Variants in ERCC6L2 observed in about 807,000 individuals in gnomAD.
The protein encoded by ERCC6L2 is DNA excision repair protein ERCC-6-like 2.
Under a neutral mutation model 132.0 loss-of-function variants are expected in ERCC6L2, and 77 were observed. The observed-to-expected ratio is 0.58, with a 90% CI of 0.49 to 0.71. ERCC6L2 has a LOEUF of 0.71. Ranked by LOEUF, ERCC6L2 falls within the 30% of genes least tolerant of loss-of-function variation. The pLI, the probability that ERCC6L2 is intolerant of heterozygous loss-of-function variation, is 0.00. For synonymous variants in ERCC6L2, 583 were observed against 632.4 expected, an observed-to-expected ratio of 0.92 and a Z score of 1.17; for missense variants, 1,542 against 1,837.6, an observed-to-expected ratio of 0.84 and a Z score of 2.94.
chr9:95,958,108 A>G (rs978254230), intron 13 of ERCC6L2, among the ~76,000 whole-genome samples: 4 of 139,194 alleles, frequency 2.9e-5, no homozygotes, highest in Non-Finnish European at 4.5e-5. Context: ...ATTCCCACCT[A>G]TGAGTGAGAA....
intron 19 of ERCC6L2, among the ~76,000 whole-genome samples, chr9:96,027,297 A>G (rs1328089543): frequency 1.3e-5 from 2 of 152,102 alleles, no homozygotes; most frequent in African/African-American, 4.8e-5. Flanking sequence ...AGCAGGTGGG[A>G]GACGGAGTGA....
chr9:95,939,109 A>G lies in ERCC6L2; in HGVS notation c.1752-2345A>G, dbSNP rs183659847. Among the ~76,000 whole-genome samples the G allele has an allele frequency of 2.8e-3, 422 of 152,270 alleles. 5 individuals carry two copies. The highest frequency in any genetic ancestry group is 9.4e-3 in the African/African-American group (389 of 41,576). ...CACTTTTAAGATATTATTGTCTTAG[A>G]TATTTCCTCTACATGCCCTAAGCAG... On this transcript the variant is annotated intron_variant, in intron 11 of 18. Coordinates refer to ENST00000653738, the MANE Select transcript of ERCC6L2 (RefSeq NM_020207.7).
intron 4 of ERCC6L2, among the ~76,000 whole-genome samples, chr9:95,910,423 C>T (rs1325867234): frequency 2.0e-5 from 3 of 152,006 alleles, no homozygotes; most frequent in East Asian, 1.9e-4. Flanking sequence ...TTTTTATTGC[C>T]GATGGTACTA....
chr9:95,922,405 C>T lies in ERCC6L2; in HGVS notation c.1400C>T (p.Thr467Ile). 6.2e-7 allele frequency: 1 copy of T among 1,603,342 alleles called. No homozygotes were observed. ...GTCGCGCTACTGCAAGCTGCTAGTA[C>T]TTCCAAACAACAGGTTTGGTTAGCA... Reference protein sequence around the residue: ...NHVALLQAASTSKQQETLIKR... With the variant: ...NHVALLQAASISKQQETLIKR... The change falls in exon 8 of 19, where the codon ACT becomes ATT. Residue 467 changes from threonine (T) to isoleucine (I), a missense_variant. Around this residue, in one of 4 missense-constraint regions of ERCC6L2, gnomAD observed 945 missense variants for 1,105.2 expected, o/e 0.86. Transcript: ENST00000653738.
At chr9:95,896,231 T>C (rs1369506258) in intron 2 of ERCC6L2, among the ~76,000 whole-genome samples, 1 of 152,158 alleles carries the variant, frequency 6.6e-6, no homozygotes, top group East Asian at 1.9e-4. Context: ...GCTCACTTTT[T>C]GGTTGTCTGA....
At chr9:95,884,026 C>T (rs1010434900) in intron 2 of ERCC6L2, among the ~76,000 whole-genome samples, 1 of 152,122 alleles carries the variant, frequency 6.6e-6, no homozygotes, top group African/African-American at 2.4e-5. Context: ...AAGAAATTTA[C>T]TTTATTTTAC....
chr9:96,004,713 C>A lies in ERCC6L2; in HGVS notation c.3674+12C>A. 7.6e-7 allele frequency: 1 copy of A among 1,308,482 alleles called. No individual in the cohort carries two copies. The highest frequency in any genetic ancestry group is 1.5e-5 in the African/African-American group (1 of 66,548). The allele number at this position is 1,308,482 out of a possible 1,614,324, so 81.1% of individuals were successfully genotyped here. On this transcript the variant is annotated intron_variant, in intron 18 of 18. Transcript: ENST00000653738. ...AAAGGAATCCGCAGGTATATTGTCT[C>A]TGACAATACTATACTTGAAGAATAA...
At chr9:95,894,686 C>T (rs966998057) in intron 2 of ERCC6L2, among the ~76,000 whole-genome samples, 1 of 149,670 alleles carries the variant, frequency 6.7e-6, no homozygotes, top group African/African-American at 2.5e-5. Flanking sequence ...CCTCCACCTC[C>T]TGGGTTCAAG....
intron 17 of ERCC6L2, among the ~76,000 whole-genome samples, chr9:95,990,562 G>A (rs142044682): frequency 3.9e-5 from 6 of 152,292 alleles, no homozygotes; most frequent in East Asian, 1.9e-4. Context: ...GACCCCCTTC[G>A]CGGGCAGGAA....
At position 95,875,743 on chromosome 9, in the gene ERCC6L2, C is replaced by A; in HGVS notation, c.-296C>A. The A allele has an allele frequency of 2.2e-6, 1 of 463,846 alleles. No homozygotes were observed. The highest frequency in any genetic ancestry group is 3.5e-5 in the East Asian group (1 of 28,852). The allele number at this position is 463,846 out of a possible 1,614,324, so 28.7% of individuals were successfully genotyped here. ...TTGCCGGCCTCCTGTCCTCCTCCGG[C>A]GGCGGCGGAGCCCGAGAGAACTAGG... On this transcript the variant is annotated 5_prime_UTR_variant, in exon 1 of 19. Transcript: ENST00000653738.
intron 4 of ERCC6L2, among the ~76,000 whole-genome samples, 192 bp downstream of exon 4, chr9:95,907,463 C>T (rs191822248): frequency 6.6e-6 from 1 of 150,780 alleles, no homozygotes; most frequent in Non-Finnish European, 1.5e-5. Flanking sequence ...CCTCAGCCTT[C>T]CAAAGTGCTA....
At position 95,915,664 on chromosome 9, in the gene ERCC6L2, A is replaced by T. The variant is rs367808564; in HGVS notation, c.789-4A>T. On this transcript the variant is annotated splice_polypyrimidine_tract_variant and splice_region_variant and intron_variant, in intron 4 of 18. Transcript: ENST00000653738. ...CCTCACCCTTCTTTTTTCTTACTTT[A>T]TAGTTTGGAATGGTCAGCTGTCATT... 2.5e-6 allele frequency: 4 copies of T among 1,601,790 alleles called. No homozygotes were observed. The highest frequency in any genetic ancestry group is 1.7e-5 in the Admixed American group (1 of 57,406).
chr9:95,993,344 C>G (rs1833365209), intron 17 of ERCC6L2, among the ~76,000 whole-genome samples: 1 of 152,198 alleles, frequency 6.6e-6, no homozygotes, highest in African/African-American at 2.4e-5. Context: ...GAATTTACTC[C>G]TGGGCTGTAC....
At chr9:96,028,830 C>T (rs1000474672) in intron 19 of ERCC6L2, among the ~76,000 whole-genome samples, 1 of 152,136 alleles carries the variant, frequency 6.6e-6, no homozygotes, top group Non-Finnish European at 1.5e-5. Context: ...GATAAGTATA[C>T]GTCATATACA....
Position 95,894,243 on chromosome 9 carries a change from A to T in ERCC6L2, c.472-3606A>T, listed in dbSNP as rs180983823. 1.4e-4 allele frequency among the ~76,000 whole-genome samples: 22 copies of T among 152,326 alleles called. No homozygotes were observed. The East Asian group carries it at 3.9e-3, about 27-fold the overall frequency. ...GTATGGGTACTTGATTTACAGTTATACTGAATGTGTATTATTTTTATACCA... is the reference window on the plus strand; with the variant it reads ...GTATGGGTACTTGATTTACAGTTATTCTGAATGTGTATTATTTTTATACCA... On this transcript the variant is annotated intron_variant, in intron 2 of 18. Coordinates refer to ENST00000653738, the MANE Select transcript of ERCC6L2 (RefSeq NM_020207.7).
intron 7 of ERCC6L2, 80 bp downstream of exon 7, chr9:95,921,395 G>T (rs1435264491): frequency 3.5e-6 from 4 of 1,151,392 alleles, no homozygotes; most frequent in Non-Finnish European, 4.8e-6. Context: ...AGTAGCAGAT[G>T]ATAAAATACC....
At chr9:95,941,925 A>C (rs964596297) in intron 12 of ERCC6L2, among the ~76,000 whole-genome samples, 1 of 152,170 alleles carries the variant, frequency 6.6e-6, no homozygotes, top group Non-Finnish European at 1.5e-5. Flanking sequence ...AGTCTGCAGG[A>C]AAGAGTACAG....
chr9:95,983,073 A>T (rs1832954510), intron 17 of ERCC6L2, among the ~76,000 whole-genome samples: 1 of 152,184 alleles, frequency 6.6e-6, no homozygotes, highest in Admixed American at 6.5e-5. Flanking sequence ...TGTAATTATG[A>T]TTATTGCTTA....
intron 13 of ERCC6L2, among the ~76,000 whole-genome samples, chr9:95,957,277 C>T (rs984354153): frequency 3.9e-5 from 6 of 152,232 alleles, no homozygotes; most frequent in Non-Finnish European, 8.8e-5. Context: ...AAACATCTGC[C>T]ACATGTGTTG....
Sources: gnomAD v4.1 joint callset for allele counts (sites outside exome capture counted in the v4.1 genomes callset) on GRCh38, gnomAD v4.1.1 for gene constraint, gnomAD v4.1.1 regional missense constraint, MANE v1.5 for transcripts, NCBI Gene and HGNC (gene_info 2026-07-23, HGNC 2026-07-21) for gene names.